Variants in ALG13 observed in about 807,000 individuals in gnomAD.
ALG13 encodes ALG13 UDP-N-acetylglucosaminyltransferase subunit.
Under a neutral mutation model 87.8 loss-of-function variants are expected in ALG13, and 11 were observed. That is an observed-to-expected ratio of 0.13 (90% CI 0.08 to 0.21). The LOEUF is 0.21. Ranked by LOEUF, ALG13 falls within the 10% of genes least tolerant of loss-of-function variation. The pLI is 1.00. For missense variants in ALG13, 756 were observed against 866.1 expected (o/e 0.87, Z 1.60); for synonymous variants, 320 against 306.3 (o/e 1.04, Z -0.47).
chrX:111,757,213 G>A (rs967925205), intron 25 of ALG13: 4 of 129,103 alleles, frequency 3.1e-5, no homozygotes, highest in Non-Finnish European at 6.1e-5. Flanking sequence ...ATATTTGACA[G>A]CATGATTTTC....
intron 4 of ALG13, 27 bp downstream of exon 4, chrX:111,708,420 A>T (rs1361078063): frequency 6.8e-6 from 8 of 1,181,786 alleles, no homozygotes. Context: ...TCTTCCCTGT[A>T]CTGAGTTTTC....
intron 14 of ALG13, among the ~76,000 whole-genome samples, 155 bp from the exon 15 acceptor site, chrX:111,724,777 CTT>C (rs1221590224): frequency 8.9e-6 from 1 of 112,475 alleles, no homozygotes; most frequent in Admixed American, 9.4e-5. Flanking sequence ...ACAAACTACT[CTT>C]AAGTTTTCTA....
chrX:111,688,183 A>T, intron 3 of ALG13: 1 of 820,220 alleles, frequency 1.2e-6, no homozygotes, highest in Non-Finnish European at 1.5e-6. Context: ...TCCTAATTGC[A>T]GTTTAGTGAA....
chrX:111,690,537 T>A (rs1324553433), intron 3 of ALG13: 2 of 264,515 alleles, frequency 7.6e-6, no homozygotes. Flanking sequence ...TCTGGAACAT[T>A]TAAAAGTAGT....
At chrX:111,737,897 T>C (rs1943386263) in intron 23 of ALG13, among the ~76,000 whole-genome samples, 1 of 111,977 alleles carries the variant, frequency 8.9e-6, no homozygotes, top group South Asian at 3.7e-4. Flanking sequence ...TATTCCTCAC[T>C]GGGAAGAAAC....
chrX:111,684,214 A>G (rs1934317410), intron 2 of ALG13, among the ~76,000 whole-genome samples: 1 of 112,254 alleles, frequency 8.9e-6, no homozygotes, highest in African/African-American at 3.2e-5. Flanking sequence ...CCACAGGCTA[A>G]TGTAAGTGTG....
Position 111,736,735 on chromosome X carries a change from G to A in ALG13, c.2551G>A (p.Val851Ile), listed in dbSNP as rs1240262434. 8.3e-7 allele frequency: 1 copy of A among 1,209,591 alleles called. No homozygotes were observed. Among genetic ancestry groups the A allele is most frequent in the South Asian group, 1.8e-5 (1 of 56,460 alleles). Residue 851 changes from valine (V) to isoleucine (I), a missense_variant, in exon 23 of 27, where the codon GTT becomes ATT. Physicochemically the swap from Val to Ile is conservative, Grantham distance 29 (BLOSUM62 3). Around this residue, in one of 9 missense-constraint regions of ALG13, gnomAD observed 362 missense variants for 383.5 expected, o/e 0.94. Transcript: ENST00000394780. The part of the protein sequence containing the change: ...PQKMMGNIAA[V>I]AASCANNVPA... ...ACAGATGATGGGAAATATTGCAGCA[G>A]TTGCAGCTTCCTGTGCCAATAATGT...
At chrX:111,707,949 C>G in intron 3 of ALG13, 78 bp from the exon 4 acceptor site, 8 of 1,018,313 alleles carry the variant, frequency 7.9e-6, no homozygotes, top group Non-Finnish European at 1.0e-5. Flanking sequence ...TAAGTACTTT[C>G]TCCCTCCCTC....
At chrX:111,687,730 C>G (rs1935319135) in intron 3 of ALG13, among the ~76,000 whole-genome samples, 1 of 111,894 alleles carries the variant, frequency 8.9e-6, no homozygotes, top group South Asian at 3.7e-4. Flanking sequence ...TTTAATAATC[C>G]TAGTATGTAT....
chrX:111,721,769 G>A, intron 12 of ALG13, 58 bp downstream of exon 12: 1 of 733,569 alleles, frequency 1.4e-6, no homozygotes, highest in Non-Finnish European at 2.1e-6. Context: ...GTATAATTTT[G>A]CAAATTATGG....
intron 13 of ALG13, among the ~76,000 whole-genome samples, 182 bp downstream of exon 13, chrX:111,723,039 C>T (rs372622652): frequency 1.8e-5 from 2 of 111,226 alleles, no homozygotes; most frequent in East Asian, 2.8e-4. Context: ...ACTGCAGCCT[C>T]GAACTCCTGG....
chrX:111,758,375 G>A (rs942333798), intron 26 of ALG13, among the ~76,000 whole-genome samples: 1 of 112,044 alleles, frequency 8.9e-6, no homozygotes, highest in Admixed American at 9.5e-5. Flanking sequence ...AACAAAGTGA[G>A]CCTGTCACTT....
intron 22 of ALG13, among the ~76,000 whole-genome samples, chrX:111,736,296 C>T (rs1268172155): frequency 1.8e-5 from 2 of 111,156 alleles, no homozygotes; most frequent in Non-Finnish European, 1.9e-5. Context: ...GGAGTGAGAC[C>T]CTGTCTCAAA....
chrX:111,685,275 A>C, intron 3 of ALG13, 172 bp downstream of exon 3: 1 of 486,941 alleles, frequency 2.1e-6, no homozygotes, highest in East Asian at 3.8e-5. Context: ...CCCATTTTGC[A>C]ATCTCTGTGT....
chrX:111,724,298 C>G (rs1315980903), intron 14 of ALG13, among the ~76,000 whole-genome samples: 1 of 111,688 alleles, frequency 9.0e-6, no homozygotes, highest in Non-Finnish European at 1.9e-5. Context: ...ATTAGTGAGC[C>G]CAGTCTCTAA....
At chrX:111,740,340 A>T (rs369610494) in intron 23 of ALG13, among the ~76,000 whole-genome samples, 1 of 111,294 alleles carries the variant, frequency 9.0e-6, no homozygotes, top group African/African-American at 3.3e-5. Context: ...TAGTGTGGAA[A>T]AAAGGTAATG....
At chrX:111,745,889 C>A (rs1225973307) in intron 24 of ALG13, among the ~76,000 whole-genome samples, 2 of 111,073 alleles carry the variant, frequency 1.8e-5, no homozygotes, top group Non-Finnish European at 3.8e-5. Context: ...CCTACCTGTA[C>A]CCGAGATGTA....
intron 19 of ALG13, among the ~76,000 whole-genome samples, chrX:111,729,199 C>A (rs917523098): frequency 9.0e-6 from 1 of 111,207 alleles, no homozygotes; most frequent in Non-Finnish European, 1.9e-5. Context: ...TATACACACA[C>A]ATAGCCTTAA....
intron 3 of ALG13, chrX:111,686,256 A>G: frequency 2.4e-6 from 1 of 419,621 alleles, no homozygotes; most frequent in Non-Finnish European, 3.5e-6. Context: ...GAATTACTAT[A>G]TATGTGTATA....
Sources: allele counts gnomAD v4.1 joint callset (sites outside exome capture counted in the v4.1 genomes callset), GRCh38; gene constraint gnomAD v4.1.1; regional missense constraint gnomAD v4.1.1; transcripts MANE v1.5; gene names NCBI Gene and HGNC (gene_info 2026-07-23, HGNC 2026-07-21).